Variants in IGF2 observed in about 807,000 individuals in gnomAD.
IGF2 encodes insulin-like growth factor 2.
A neutral mutation model predicts 12.0 loss-of-function variants in IGF2; 2 were observed. The ratio of observed to expected loss-of-function variants is 0.17; its 90% CI spans 0.07 to 0.52. IGF2 has a LOEUF of 0.52. IGF2 is among the 20% of genes least tolerant of loss of function. The pLI is 0.95. For synonymous variants in IGF2, 105 were observed against 110.1 expected (o/e 0.95, Z 0.29); for missense variants, 211 against 268.0 (o/e 0.79, Z 1.48).
intron 2 of IGF2, among the ~76,000 whole-genome samples, chr11:2,134,589 G>A (rs996163608): frequency 6.6e-6 from 1 of 152,240 alleles, no homozygotes; most frequent in Non-Finnish European, 1.5e-5. Flanking sequence ...TGGTGGTAAA[G>A]ATGTCACGTG....
At position 2,132,787 on chromosome 11, in the gene IGF2, G is replaced by C. The variant is rs1211944132; in HGVS notation, c.*200C>G. The stretch of plus-strand genomic sequence containing the variant: ...GATTTTGTACATGTTTGAAGATGCT[G>C]CTGTGCTTCCTCAGCCCGATGGAGG... On this transcript the variant is annotated 3_prime_UTR_variant, in exon 4 of 4. Coordinates refer to ENST00000416167, the MANE Select transcript of IGF2 (RefSeq NM_000612.6). 3.7e-6 allele frequency: 2 copies of C among 533,478 alleles called. No individual in the cohort carries two copies. Among genetic ancestry groups the C allele is most frequent in the Non-Finnish European group, 6.6e-6 (2 of 301,938 alleles). 33.0% of individuals were successfully genotyped at this position (533,478 alleles called of 1,614,324 possible). A position where few individuals can be genotyped will look rare whatever the true frequency, so the allele number is the denominator to read the frequency against.
Position 2,133,737 on chromosome 11 carries a change from G to A in IGF2, c.158-72C>T, listed in dbSNP as rs1223594922. Reference sequence around the variant, plus strand: ...CCCCAGCCCCCGGAGGCTGAAGGGGGAGCAAACCACCCCTGCCCTCAGGCC... The same window carrying A: ...CCCCAGCCCCCGGAGGCTGAAGGGGAAGCAAACCACCCCTGCCCTCAGGCC... On this transcript the variant is annotated intron_variant, in intron 2 of 3. Coordinates refer to ENST00000416167, the MANE Select transcript of IGF2 (RefSeq NM_000612.6). This position sits in a 1 kb window ranked among gnomAD's most constrained non-coding sequence, Gnocchi z 8.9. 6 of 1,569,354 alleles carry A rather than the reference G, an allele frequency of 3.8e-6. No individual in the cohort carries two copies. The highest frequency in any genetic ancestry group is 2.7e-5 in the African/African-American group (2 of 73,428).
the IGF2 span, chr11:2,148,987 G>A: frequency 1.0e-5 from 8 of 790,516 alleles, no homozygotes; most frequent in Non-Finnish European, 1.6e-5. The surrounding 1 kb of genome is among the most constrained non-coding windows in gnomAD (Gnocchi z 4.3). Context: ...AGGCTTCCCT[G>A]CACCCTCCAG....
upstream of IGF2, chr11:2,140,144 C>G (rs1309173292): frequency 1.2e-6 from 2 of 1,612,880 alleles, no homozygotes; most frequent in Non-Finnish European, 1.7e-6. Context: ...CCTGCATGGC[C>G]GAGCTCACCG....
intron 1 of IGF2, among the ~76,000 whole-genome samples, chr11:2,136,492 G>A (rs1036263267): frequency 6.6e-6 from 1 of 152,206 alleles, no homozygotes; most frequent in Non-Finnish European, 1.5e-5. Context: ...CCACAGGGCC[G>A]GGTTAACCCA....
Position 2,138,451 on chromosome 11 carries a change from G to A in IGF2, c.-229C>T. On this transcript the variant is annotated 5_prime_UTR_variant, in exon 1 of 4. Coordinates refer to ENST00000416167, the MANE Select transcript of IGF2 (RefSeq NM_000612.6). ...GACGGGCTGTCTTCGGGCTGGGGCG[G>A]GCCAGATGTTGTACTTTTCGGGGGG... 1.1e-6 allele frequency: 1 copy of A among 898,174 alleles called. No individual in the cohort carries two copies. The highest frequency in any genetic ancestry group is 1.3e-6 in the Non-Finnish European group (1 of 753,696). 55.6% of individuals were successfully genotyped at this position (898,174 alleles called of 1,614,324 possible). A position where few individuals can be genotyped will look rare whatever the true frequency, so the allele number is the denominator to read the frequency against.
rs754658222 is a variant in IGF2, at chr11:2,133,421, C to G, written c.306+96G>C. 1 of 1,382,088 alleles carries G rather than the reference C, an allele frequency of 7.2e-7. No individual in the cohort carries two copies. The highest frequency in any genetic ancestry group is 9.8e-7 in the Non-Finnish European group (1 of 1,024,990). 85.6% of individuals were successfully genotyped at this position (1,382,088 alleles called of 1,614,324 possible). On this transcript the variant is annotated intron_variant, in intron 3 of 3. Transcript: ENST00000416167. The surrounding 1 kb of genome is among the most constrained non-coding windows in gnomAD (Gnocchi z 8.9). The stretch of plus-strand genomic sequence containing the variant: ...GCAAGGAAGTCACGGGTCCTTGTCC[C>G]TGGCCAAGAGGTCCCAGAGGCCACA...
At chr11:2,144,668 G>T (rs1390766671), upstream of IGF2, among the ~76,000 whole-genome samples, 3 of 152,046 alleles carry the variant, frequency 2.0e-5, no homozygotes, top group Non-Finnish European at 4.4e-5. Context: ...TATTAAACCC[G>T]CATGCAGGCG....
chr11:2,147,572 G>A, the IGF2 span: 17 of 1,214,612 alleles, frequency 1.4e-5, no homozygotes, highest in Non-Finnish European at 1.8e-5. This position sits in a 1 kb window ranked among gnomAD's most constrained non-coding sequence, Gnocchi z 7.2. Flanking sequence ...TCACCTCTCT[G>A]CCTCGCAGTT....
chr11:2,144,057 G>C, upstream of IGF2, among the ~76,000 whole-genome samples: 1 of 150,454 alleles, frequency 6.6e-6, no homozygotes, highest in Admixed American at 6.6e-5. Flanking sequence ...TCTGCTTTTC[G>C]TTCTTTGGGG....
At chr11:2,135,231 C>CGGA in intron 2 of IGF2, 136 bp downstream of exon 2, 1 of 759,480 alleles carries the variant, frequency 1.3e-6, no homozygotes, top group South Asian at 2.2e-5. Flanking sequence ...AGAAACGCGG[C>CGGA]GGGAAGGTCA....
chr11:2,140,094 A>C, upstream of IGF2: 1 of 1,598,198 alleles, frequency 6.3e-7, no homozygotes, highest in Non-Finnish European at 8.5e-7. Context: ...CGGCCGCCAG[A>C]GGAGAGAGGA....
upstream of IGF2, chr11:2,139,511 C>A (rs1415722847): frequency 7.0e-6 from 1 of 142,446 alleles, no homozygotes; most frequent in Admixed American, 6.9e-5. Context: ...GCCCCGCCCC[C>A]GGCCCGCCCC....
rs1858731048 is a variant in IGF2, at chr11:2,133,101, G to T, written c.429C>A (p.Ala143=). The change falls in exon 4 of 4, where the codon GCC becomes GCA. Residue 143 remains alanine, a synonymous_variant. Transcript: ENST00000416167. The surrounding 1 kb of genome is among the most constrained non-coding windows in gnomAD (Gnocchi z 8.9). ...LLRARRGHVL[A]KELEAFREAK... The stretch of plus-strand genomic sequence containing the variant: ...CCTCCCTGAACGCCTCGAGCTCCTT[G>T]GCGAGCACGTGACCCCGGCGGGCAC... 6.2e-7 allele frequency: 1 copy of T among 1,607,752 alleles called. No homozygotes were observed. Among genetic ancestry groups the T allele is most frequent in the African/African-American group, 1.3e-5 (1 of 74,780 alleles).
upstream of IGF2, chr11:2,146,158 A>G (rs1859924309): frequency 2.0e-6 from 1 of 495,496 alleles, no homozygotes; most frequent in Admixed American, 2.0e-5. Flanking sequence ...AGCCTGGCCC[A>G]TGCCCCAGCC....
chr11:2,135,274 T>A lies in IGF2; in HGVS notation c.157+93A>T, dbSNP rs1395452184. ...AGAGCAAGCGGCTGGGCTGCTGACC[T>A]AGGAGTGTGCTCCCCTGGCTTGAGG... On this transcript the variant is annotated intron_variant, in intron 2 of 3. Transcript: ENST00000416167. The A allele has an allele frequency of 7.5e-6, 9 of 1,197,194 alleles. No individual in the cohort carries two copies. In the Admixed American group the frequency reaches 2.5e-4, roughly 33 times the overall value. 74.2% of individuals were successfully genotyped at this position (1,197,194 alleles called of 1,614,324 possible).
the IGF2 span, chr11:2,147,727 G>A: frequency 2.4e-6 from 3 of 1,249,282 alleles, no homozygotes; most frequent in Non-Finnish European, 3.0e-6. This position sits in a 1 kb window ranked among gnomAD's most constrained non-coding sequence, Gnocchi z 7.2. Context: ...AGGGGGCTGA[G>A]CTGGCAGCGA....
chr11:2,143,634 G>T (rs567898645), upstream of IGF2, among the ~76,000 whole-genome samples: 1 of 152,270 alleles, frequency 6.6e-6, no homozygotes, highest in South Asian at 2.1e-4. Flanking sequence ...CAGAGCCTGG[G>T]AGAAAGCACA....
chr11:2,130,496 G>A lies in IGF2; in HGVS notation c.*2491C>T, dbSNP rs375769044. The A allele has an allele frequency of 2.3e-4, 47 of 206,674 alleles. No homozygotes were observed. Among genetic ancestry groups the A allele is most frequent in the African/African-American group, 8.7e-4 (35 of 40,354 alleles). 12.8% of individuals were successfully genotyped at this position (206,674 alleles called of 1,614,324 possible). Reference sequence around the variant, plus strand: ...GGTGGTCTCCAGGCTGGCTTCGTGCGTTCTTGCTTTTGTCACTGCCCCCCT... The same window carrying A: ...GGTGGTCTCCAGGCTGGCTTCGTGCATTCTTGCTTTTGTCACTGCCCCCCT... On this transcript the variant is annotated 3_prime_UTR_variant, in exon 4 of 4. Transcript: ENST00000416167.
Sources: gnomAD v4.1 joint callset for allele counts (sites outside exome capture counted in the v4.1 genomes callset) on GRCh38, gnomAD v4.1.1 for gene constraint, Gnocchi (gnomAD v3.1) non-coding constraint, MANE v1.5 for transcripts, NCBI Gene and HGNC (gene_info 2026-07-23, HGNC 2026-07-21) for gene names.